Variants in PRCP observed in about 807,000 individuals in gnomAD.
PRCP encodes lysosomal Pro-X carboxypeptidase.
Under a neutral mutation model 54.2 loss-of-function variants are expected in PRCP, and 46 were observed. That is an observed-to-expected ratio of 0.85 (90% CI 0.67 to 1.09). The LOEUF (loss-of-function observed/expected upper bound fraction) is 1.09. Among genes scored for constraint, PRCP ranks in the 50% least tolerant of loss-of-function variants. The probability of loss-of-function intolerance (pLI) is 0.00; values close to 1 mark genes in which losing one functional copy is unlikely to be tolerated. For synonymous variants in PRCP, 240 were observed against 212.2 expected, an observed-to-expected ratio of 1.13 and a Z score of -1.14; for missense variants, 613 against 596.8, an observed-to-expected ratio of 1.03 and a Z score of -0.28.
At chr11:82,830,439 C>T (rs1277909346) in intron 8 of PRCP, 1 of 151,640 alleles carries the variant, frequency 6.6e-6, no homozygotes, top group Non-Finnish European at 1.5e-5. Context: ...ACCAGCCTGC[C>T]CAATATGGTG....
At chr11:82,850,772 G>A (rs764287901) in intron 3 of PRCP, among the ~76,000 whole-genome samples, 35 of 152,276 alleles carry the variant, frequency 2.3e-4, no homozygotes, top group Non-Finnish European at 4.4e-4. Context: ...AAATTTAATA[G>A]CAAATGTGAT....
intron 1 of PRCP, among the ~76,000 whole-genome samples, chr11:82,868,594 AT>A (rs11302088): frequency 0.55 from 82,400 of 151,082 alleles, 23,195 homozygotes; most frequent in African/African-American, 0.69. Context: ...ACAGAGAAGA[AT>A]TTTTTTTTTT....
At chr11:82,877,287 G>A (rs1320440880) in intron 1 of PRCP, among the ~76,000 whole-genome samples, 1 of 152,210 alleles carries the variant, frequency 6.6e-6, no homozygotes, top group Non-Finnish European at 1.5e-5. Context: ...TGACGATGCA[G>A]TAGAAAAGAA....
At position 82,838,561 on chromosome 11, in the gene PRCP, ACTTCTGT is replaced by A. The variant is rs1429395001; in HGVS notation, c.1093_1099del (p.Thr365Ter). The A allele has an allele frequency of 9.9e-6, 16 of 1,613,050 alleles. No homozygotes were observed. In the East Asian group the frequency reaches 3.6e-4, roughly 36 times the overall value. ...ACCATTAGTACAAAAGGGCATGACT[ACTTCTGT>A]GCAGGCCTAAGAAGCAAACCAAGAG... is the stretch of plus-strand genomic sequence containing the variant. On this transcript the variant is annotated frameshift_variant, in exon 8 of 9. Coordinates refer to ENST00000313010, the MANE Select transcript of PRCP (RefSeq NM_005040.4). LOFTEE classifies it high-confidence loss of function.
chr11:82,834,561 A>C (rs1443470325), intron 8 of PRCP, among the ~76,000 whole-genome samples: 1 of 152,228 alleles, frequency 6.6e-6, no homozygotes, highest in Non-Finnish European at 1.5e-5. Flanking sequence ...ATGGAATACT[A>C]TGCAGCCATA....
At chr11:82,835,725 A>C (rs959509011) in intron 8 of PRCP, 4 of 334,236 alleles carry the variant, frequency 1.2e-5, no homozygotes, top group Admixed American at 7.5e-5. Flanking sequence ...TTCTTTAATC[A>C]GAAGAAAAAG....
At chr11:82,844,616 C>A (rs531904806) in intron 6 of PRCP, among the ~76,000 whole-genome samples, 1 of 151,280 alleles carries the variant, frequency 6.6e-6, no homozygotes, top group East Asian at 1.9e-4. Flanking sequence ...GCCTGTGATC[C>A]CAGCTACTTG....
chr11:82,868,262 T>C (rs2121201834), intron 1 of PRCP, among the ~76,000 whole-genome samples: 1 of 152,356 alleles, frequency 6.6e-6, no homozygotes, highest in Non-Finnish European at 1.5e-5. Context: ...ACAAGATACA[T>C]GTTTATATTT....
intron 8 of PRCP, chr11:82,827,738 T>G (rs1858273212): frequency 2.0e-5 from 3 of 152,182 alleles, no homozygotes; most frequent in African/African-American, 7.2e-5. Context: ...TTGGCTATTC[T>G]GGGTCCCATA....
chr11:82,846,314 A>G (rs2121127420), intron 6 of PRCP: 1 of 152,300 alleles, frequency 6.6e-6, no homozygotes, highest in East Asian at 1.9e-4. Context: ...TAGAATGAAC[A>G]GTGAAAGAAA....
chr11:82,857,905 T>A (rs532343589), intron 2 of PRCP, among the ~76,000 whole-genome samples: 1 of 152,170 alleles, frequency 6.6e-6, no homozygotes, highest in South Asian at 2.1e-4. Context: ...TGCTGATCAC[T>A]CCCCCTTCTC....
At chr11:82,867,727 T>G (rs375103798) in intron 1 of PRCP, among the ~76,000 whole-genome samples, 29 of 152,252 alleles carry the variant, frequency 1.9e-4, no homozygotes, top group African/African-American at 7.0e-4. Flanking sequence ...ACTTTTTTTT[T>G]GTTTGTTCTC....
At chr11:82,898,883 G>A (rs994244824) in intron 1 of PRCP, among the ~76,000 whole-genome samples, 7 of 152,178 alleles carry the variant, frequency 4.6e-5, no homozygotes, top group Admixed American at 1.3e-4. Flanking sequence ...AGTGGCACAC[G>A]CCTGCAATCC....
At position 82,877,952 on chromosome 11, in the gene PRCP, G is replaced by A. The variant is rs569876109; in HGVS notation, c.169-17835C>T. Among the ~76,000 whole-genome samples, 6 of 152,308 alleles carry A rather than the reference G, an allele frequency of 3.9e-5. No individual in the cohort carries two copies. In the East Asian group the frequency reaches 1.2e-3, roughly 29 times the overall value. On this transcript the variant is annotated intron_variant, in intron 1 of 8. Transcript: ENST00000313010. The stretch of plus-strand genomic sequence containing the variant: ...GCCAGCCAGTGAAAGCAACTGAGAG[G>A]GAGGCTGTACCCTGCAAAGCCACAG...
rs73506373 is a variant in PRCP at position 82,843,832 on chromosome 11, T to C, written c.922-4407A>G. 1.0e-2 allele frequency among the ~76,000 whole-genome samples: 1,522 copies of C among 152,278 alleles called. 26 individuals are homozygous for C. The highest frequency in any genetic ancestry group is 0.033 in the African/African-American group (1,391 of 41,546). ...AGCACCATATAATGATCATTCCCAT[T>C]TCACAGAAGAGAAAACAAGCTCAGA... is the stretch of plus-strand genomic sequence containing the variant. On this transcript the variant is annotated intron_variant, in intron 6 of 8. Coordinates refer to ENST00000313010, the MANE Select transcript of PRCP (RefSeq NM_005040.4).
chr11:82,843,302 T>A (rs955699965), intron 6 of PRCP: 1 of 147,056 alleles, frequency 6.8e-6, no homozygotes, highest in East Asian at 2.0e-4. Flanking sequence ...TGAGACTCCA[T>A]CTCTTAAAAA....
chr11:82,855,903 T>C (rs1859071909), intron 2 of PRCP, among the ~76,000 whole-genome samples: 1 of 152,190 alleles, frequency 6.6e-6, no homozygotes, highest in African/African-American at 2.4e-5. Flanking sequence ...AAACTGTTAG[T>C]ACGATATAAA....
intron 8 of PRCP, among the ~76,000 whole-genome samples, chr11:82,831,818 G>A (rs1858390899): frequency 6.6e-6 from 1 of 151,940 alleles, no homozygotes; most frequent in Non-Finnish European, 1.5e-5. Context: ...TTTGCTGCAG[G>A]CATCAACCTG....
chr11:82,847,186 ATTC>A (rs1300392168), intron 6 of PRCP, among the ~76,000 whole-genome samples: 3 of 152,252 alleles, frequency 2.0e-5, no homozygotes, highest in African/African-American at 7.2e-5. Flanking sequence ...CAACTCATTC[ATTC>A]TTCAAGTGAG....
Sources: gnomAD v4.1 joint callset for allele counts (sites outside exome capture counted in the v4.1 genomes callset) on GRCh38, gnomAD v4.1.1 for gene constraint, MANE v1.5 for transcripts, NCBI Gene and HGNC (gene_info 2026-07-23, HGNC 2026-07-21) for gene names.